Variants in POU2F1 observed in about 807,000 individuals in gnomAD.
The protein encoded by POU2F1 is POU domain, class 2, transcription factor 1.
POU2F1 carries 16 observed loss-of-function variants against 84.9 expected under a neutral mutation model. The observed-to-expected ratio is 0.19, with a 90% CI of 0.13 to 0.29. The LOEUF (loss-of-function observed/expected upper bound fraction) is 0.29. Ranked by LOEUF, POU2F1 falls within the 10% of genes least tolerant of loss-of-function variation. POU2F1 has a pLI of 1.00. For missense variants in POU2F1, 738 were observed against 942.6 expected, an observed-to-expected ratio of 0.78 and a Z score of 2.84; for synonymous variants, 368 against 368.3, an observed-to-expected ratio of 1.00 and a Z score of 0.01.
At position 167,374,283 on chromosome 1, in the gene POU2F1, T is replaced by C. The variant is rs1272965703; in HGVS notation, c.578T>C (p.Ile193Thr). The C allele has an allele frequency of 6.2e-7, 1 of 1,601,824 alleles. No homozygotes were observed. The highest frequency in any genetic ancestry group is 1.3e-5 in the African/African-American group (1 of 74,356). The change falls in exon 6 of 16, where the codon ATA (isoleucine) becomes ACA (threonine). Residue 193 changes from isoleucine to threonine, a missense_variant. Ile to Thr is a moderately conservative substitution (Grantham distance 89, BLOSUM62 -1). This residue lies in a region of POU2F1 where 163 missense variants were observed against 214.4 expected (regional missense o/e 0.76). Coordinates refer to ENST00000367866, the MANE Select transcript of POU2F1 (RefSeq NM_002697.4). ...PMTQIPLSQP[I>T]QIAQDLQQLQ... The stretch of plus-strand genomic sequence containing the variant: ...ACGCAGATCCCCCTGTCTCAGCCCA[T>C]ACAGATCGCACAGGTGAGTGAGGAA...
chr1:167,358,380 A>T lies in POU2F1; in HGVS notation c.128-7087A>T, dbSNP rs115954004. Reference sequence around the variant, plus strand: ...TATATTTTTCACACTTTATCAGGTTATGGTATCGAGGTTATGCTGGTCTCA... The same window carrying T: ...TATATTTTTCACACTTTATCAGGTTTTGGTATCGAGGTTATGCTGGTCTCA... On this transcript the variant is annotated intron_variant, in intron 2 of 15. Transcript: ENST00000367866. Among the ~76,000 whole-genome samples, 804 of 151,996 alleles carry T rather than the reference A, an allele frequency of 5.3e-3. 9 individuals carry two copies. The highest frequency in any genetic ancestry group is 0.019 in the African/African-American group (773 of 41,516).
intron 2 of POU2F1, among the ~76,000 whole-genome samples, chr1:167,351,096 T>C (rs1225595312): frequency 6.6e-6 from 1 of 152,170 alleles, no homozygotes; most frequent in Non-Finnish European, 1.5e-5. Context: ...CTCACACCTG[T>C]AATCCAAGCA....
chr1:167,269,226 A>C (rs529546837), intron 1 of POU2F1, among the ~76,000 whole-genome samples: 128 of 152,296 alleles, frequency 8.4e-4, no homozygotes, highest in African/African-American at 3.0e-3. Context: ...AAATTATTGA[A>C]ATTTCATTTT....
intron 13 of POU2F1, among the ~76,000 whole-genome samples, chr1:167,409,986 C>T (rs1468809502): frequency 6.6e-6 from 1 of 151,872 alleles, no homozygotes; most frequent in Non-Finnish European, 1.5e-5. Flanking sequence ...AAGATTAAAG[C>T]GAAAAAGGGT....
chr1:167,283,565 G>A (rs1447276277), intron 1 of POU2F1, among the ~76,000 whole-genome samples: 2 of 152,128 alleles, frequency 1.3e-5, no homozygotes, highest in Non-Finnish European at 2.9e-5. Context: ...AGACGTGACA[G>A]CAATATGAAA....
intron 1 of POU2F1, among the ~76,000 whole-genome samples, chr1:167,241,083 C>T (rs547280250): frequency 8.6e-4 from 131 of 151,972 alleles, no homozygotes; most frequent in Non-Finnish European, 1.5e-3. Context: ...CGGAGGTTGC[C>T]GTGAGCCAAG....
At chr1:167,413,976 G>A (rs1243174036) in intron 15 of POU2F1, among the ~76,000 whole-genome samples, 2 of 146,000 alleles carry the variant, frequency 1.4e-5, no homozygotes, top group African/African-American at 5.1e-5. Context: ...AACACAGTAA[G>A]ACCCTGTTTC....
At chr1:167,364,148 A>G (rs1483536562) in intron 2 of POU2F1, among the ~76,000 whole-genome samples, 1 of 152,204 alleles carries the variant, frequency 6.6e-6, no homozygotes, top group Non-Finnish European at 1.5e-5. Context: ...TTTGAAAACA[A>G]TGTATTATAA....
chr1:167,260,966 A>G (rs1651521425), intron 1 of POU2F1, among the ~76,000 whole-genome samples: 1 of 152,168 alleles, frequency 6.6e-6, no homozygotes, highest in Non-Finnish European at 1.5e-5. Flanking sequence ...AAATTAGTAA[A>G]CTGAAGCCCA....
intron 2 of POU2F1, among the ~76,000 whole-genome samples, chr1:167,343,686 T>TGAAGAA: frequency 1.2e-5 from 1 of 80,464 alleles, no homozygotes; most frequent in African/African-American, 4.3e-5. Flanking sequence ...TTTTTTTTTT[T>TGAAGAA]GAAGGAAGGA....
At chr1:167,236,172 C>G (rs1403629616) in intron 1 of POU2F1, among the ~76,000 whole-genome samples, 6 of 150,776 alleles carry the variant, frequency 4.0e-5, no homozygotes, top group African/African-American at 1.5e-4. Flanking sequence ...GGTGTGATCT[C>G]GGCTCCCTGC....
At chr1:167,391,013 A>T (rs112288864) in intron 9 of POU2F1, among the ~76,000 whole-genome samples, 1 of 152,168 alleles carries the variant, frequency 6.6e-6, no homozygotes, top group South Asian at 2.1e-4. Flanking sequence ...AGAAGGGTGA[A>T]TATATTTAAT....
At chr1:167,360,675 GCT>G (rs1659299986) in intron 2 of POU2F1, among the ~76,000 whole-genome samples, 1 of 152,032 alleles carries the variant, frequency 6.6e-6, no homozygotes, top group Non-Finnish European at 1.5e-5. Flanking sequence ...GGCTATTCAG[GCT>G]CTTTTTGGTT....
In POU2F1 at chr1:167,356,192, C is replaced by T. The variant is rs868563228; in HGVS notation, c.128-9275C>T. Among the ~76,000 whole-genome samples, 15 of 137,164 alleles carry T rather than the reference C, an allele frequency of 1.1e-4. No individual in the cohort carries two copies. In the South Asian group the frequency reaches 1.2e-3, roughly 11 times the overall value. The allele number at this position is 137,164 out of a possible 152,430, so 90.0% of individuals were successfully genotyped here. On this transcript the variant is annotated intron_variant, in intron 2 of 15. Transcript: ENST00000367866. ...TTTTTTTTTTTTTTTCTTGTAGAGGCGGGGTTTCACCATGTTGCCCAGGCT... is the reference window on the plus strand; with the variant it reads ...TTTTTTTTTTTTTTTCTTGTAGAGGTGGGGTTTCACCATGTTGCCCAGGCT...
intron 1 of POU2F1, among the ~76,000 whole-genome samples, chr1:167,284,048 G>T (rs1371422192): frequency 6.6e-6 from 1 of 152,090 alleles, no homozygotes; most frequent in Non-Finnish European, 1.5e-5. Flanking sequence ...CGCTCTTAGG[G>T]ATTTTGACCA....
At chr1:167,411,002 A>G (rs947649858) in intron 13 of POU2F1, among the ~76,000 whole-genome samples, 6 of 151,746 alleles carry the variant, frequency 4.0e-5, no homozygotes, top group Non-Finnish European at 8.8e-5. Context: ...AACCAAAAGC[A>G]TATTCAGGCA....
Position 167,413,029 on chromosome 1 carries a change from T to G in POU2F1, c.1905T>G (p.Gly635=), listed in dbSNP as rs1377668079. The part of the protein sequence containing the change: ...LMAPSQFAAG[G]ALLSLNPGTL... ...GACTCCTCTTTTGGACTTGCAGAGG[T>G]GCCTTACTCAGTCTGAATCCAGGGA... The change falls in exon 15 of 16, where the codon GGT becomes GGG. Residue 635 remains glycine, a synonymous_variant. Coordinates refer to ENST00000367866, the MANE Select transcript of POU2F1 (RefSeq NM_002697.4). 1.9e-6 allele frequency: 3 copies of G among 1,613,488 alleles called. No homozygotes were observed. Among genetic ancestry groups the G allele is most frequent in the Non-Finnish European group, 2.5e-6 (3 of 1,179,448 alleles).
intron 2 of POU2F1, among the ~76,000 whole-genome samples, chr1:167,333,965 C>G (rs974531203): frequency 1.3e-5 from 2 of 151,928 alleles, no homozygotes; most frequent in African/African-American, 2.4e-5. Flanking sequence ...GGCAGGACAC[C>G]TGTGCCTAAA....
chr1:167,408,975 C>T (rs1649775697), intron 13 of POU2F1, among the ~76,000 whole-genome samples: 1 of 152,132 alleles, frequency 6.6e-6, no homozygotes, highest in African/African-American at 2.4e-5. Context: ...GATATGTGAT[C>T]TGCAAATGTT....
Sources: allele counts gnomAD v4.1 joint callset (sites outside exome capture counted in the v4.1 genomes callset), GRCh38; gene constraint gnomAD v4.1.1; regional missense constraint gnomAD v4.1.1; transcripts MANE v1.5; gene names NCBI Gene and HGNC (gene_info 2026-07-23, HGNC 2026-07-21).